The following STK11IP variants were observed in gnomAD, a reference collection of about 807,000 sequenced individuals.
STK11IP encodes serine/threonine kinase 11 interacting protein, also known as serine/threonine-protein kinase 11-interacting protein.
A neutral mutation model predicts 131.7 loss-of-function variants in STK11IP; 103 were observed. The observed-to-expected ratio is 0.78, with a 90% confidence interval of 0.67 to 0.92. STK11IP has a LOEUF of 0.92. Ranked by LOEUF, STK11IP falls within the 40% of genes least tolerant of loss-of-function variation. STK11IP has a pLI of 0.00. For synonymous variants in STK11IP, 557 were observed against 575.6 expected (o/e 0.97, Z 0.46); for missense variants, 1,315 against 1,385.7 (o/e 0.95, Z 0.81).
At chr2:219,600,573 C>CT (rs1697953654) in intron 2 of STK11IP, among the ~76,000 whole-genome samples, 1 of 152,170 alleles carries the variant, frequency 6.6e-6, no homozygotes, top group African/African-American at 2.4e-5. Context: ...TGTAGCTGCA[C>CT]TTTTTTAGGT....
chr2:219,614,905 A>G (rs1428401634), intron 23 of STK11IP, 189 bp from the exon 24 acceptor site: 16 of 690,564 alleles, frequency 2.3e-5, no homozygotes, highest in Non-Finnish European at 3.6e-5. Flanking sequence ...GGTAGGCCTC[A>G]GAGGTATTCC....
At chr2:219,601,737 T>C (rs1216477024) in intron 4 of STK11IP, 22 bp downstream of exon 4, 1 of 1,585,476 alleles carries the variant, frequency 6.3e-7, no homozygotes, top group Non-Finnish European at 8.6e-7. Context: ...CGGGGGGATG[T>C]TGGTGCACAG....
In STK11IP at chr2:219,616,233, G is replaced by C. The variant is rs763675618; in HGVS notation, c.*40G>C. Reference sequence around the variant, plus strand: ...CCTTGGCCCTGACCTCAGGAGCCACGCTGTAGACATTCCCTCTCCTGGTCT... The same window carrying C: ...CCTTGGCCCTGACCTCAGGAGCCACCCTGTAGACATTCCCTCTCCTGGTCT... On this transcript the variant is annotated 3_prime_UTR_variant, in exon 25 of 25. Transcript: ENST00000456909. The C allele has an allele frequency of 1.8e-5, 28 of 1,587,580 alleles. No homozygotes were observed. Among genetic ancestry groups the C allele is most frequent in the Non-Finnish European group, 1.9e-5 (22 of 1,165,570 alleles).
chr2:219,608,800 G>T lies in STK11IP; in HGVS notation c.1809+12G>T. On this transcript the variant is annotated intron_variant, in intron 15 of 24. Transcript: ENST00000456909. ...CGCCCAGGCCCACGGTGAGTGGGGC[G>T]TGGCAGGGTCTCTGGAGGAGCCAGT... 1.3e-6 allele frequency: 2 copies of T among 1,585,184 alleles called. No homozygotes were observed. Among genetic ancestry groups the T allele is most frequent in the Non-Finnish European group, 1.7e-6 (2 of 1,166,744 alleles).
chr2:219,605,678 CAGG>C lies in STK11IP; in HGVS notation c.690_692del (p.Gly231del), dbSNP rs771184089. On this transcript the variant is annotated inframe_deletion, in exon 8 of 25. Coordinates refer to ENST00000456909, the MANE Select transcript of STK11IP (RefSeq NM_052902.4). ...CATTTGGTGCCAAGAATGGGACCCT[CAGG>C]GGCTGCTCTGGGGGTCCTGATACTG... 1 of 1,569,508 alleles carries C rather than the reference CAGG, an allele frequency of 6.4e-7. No homozygotes were observed.
intron 19 of STK11IP, among the ~76,000 whole-genome samples, chr2:219,612,345 C>T (rs1053455361): frequency 6.6e-5 from 10 of 152,202 alleles, no homozygotes; most frequent in African/African-American, 2.4e-4. Flanking sequence ...ATGGGGCCTC[C>T]TAGCATTATT....
At chr2:219,602,603 C>T (rs770275122) in intron 6 of STK11IP, 28 bp downstream of exon 6, 8 of 1,612,024 alleles carry the variant, frequency 5.0e-6, no homozygotes, top group African/African-American at 1.3e-5. Flanking sequence ...AAGAGGGTTT[C>T]GAGGAAGGGC....
intron 20 of STK11IP, 86 bp from the exon 21 acceptor site, chr2:219,613,666 G>A: frequency 6.6e-7 from 1 of 1,515,870 alleles, no homozygotes; most frequent in Non-Finnish European, 9.1e-7. Flanking sequence ...TGCAGTGAGT[G>A]AGGCAGGTGC....
intron 4 of STK11IP, 110 bp downstream of exon 4, chr2:219,601,825 C>A: frequency 1.6e-6 from 2 of 1,283,286 alleles, no homozygotes; most frequent in Non-Finnish European, 2.2e-6. Flanking sequence ...TGAGTATACC[C>A]ATTGCTCTGC....
chr2:219,605,916 T>C, intron 8 of STK11IP, 40 bp from the exon 9 acceptor site: 1 of 1,538,252 alleles, frequency 6.5e-7, no homozygotes. Flanking sequence ...TTGCGTGTAC[T>C]CATCCACATG....
intron 7 of STK11IP, among the ~76,000 whole-genome samples, chr2:219,603,829 C>T (rs1698068259): frequency 1.3e-5 from 2 of 152,120 alleles, no homozygotes; most frequent in African/African-American, 4.8e-5. Flanking sequence ...CAAGTAAGGA[C>T]AGATTTTTTA....
In STK11IP at chr2:219,606,028, C is replaced by G; in HGVS notation, c.818C>G (p.Ser273Ter). 1 of 1,608,164 alleles carries G rather than the reference C, an allele frequency of 6.2e-7. No individual in the cohort carries two copies. Among genetic ancestry groups the G allele is most frequent in the Non-Finnish European group, 8.5e-7 (1 of 1,177,442 alleles). The change falls in exon 9 of 25, where the codon TCA (serine) becomes TGA (stop). Residue 273 changes from serine to a stop codon, truncating the protein, a stop_gained. Coordinates refer to ENST00000456909, the MANE Select transcript of STK11IP (RefSeq NM_052902.4). LOFTEE classifies it high-confidence loss of function. ...CTGCTGGAAGGACACCGGGAGCTGT[C>G]ACCACTGTGGCTGCTGGCTGAGCTC... ...YNLLEGHREL[S>*]PLWLLAELRK...
chr2:219,615,140 G>C lies in STK11IP; in HGVS notation c.2916G>C (p.Leu972=). ...CCCTGTTGCTGACTCCGTCCACCCTGTTCCTGTTAGATGAGGATGCTGCAG... is the reference window on the plus strand; with the variant it reads ...CCCTGTTGCTGACTCCGTCCACCCTCTTCCTGTTAGATGAGGATGCTGCAG... ...LVSLLLTPST[L]FLLDEDAAGS... The change falls in exon 24 of 25, where the codon CTG becomes CTC. Residue 972 remains leucine, a synonymous_variant. Transcript: ENST00000456909. 6.2e-7 allele frequency: 1 copy of C among 1,608,542 alleles called. No homozygotes were observed. The highest frequency in any genetic ancestry group is 8.5e-7 in the Non-Finnish European group (1 of 1,178,784).
intron 19 of STK11IP, 52 bp from the exon 20 acceptor site, chr2:219,613,076 C>T: frequency 6.7e-7 from 1 of 1,501,996 alleles, no homozygotes; most frequent in East Asian, 2.3e-5. Context: ...CAGTCTGGCC[C>T]CACCTCCCCA....
chr2:219,611,497 C>T lies in STK11IP; in HGVS notation c.2105-107C>T. ...CGGTGGTTGTGTATGAAGCTGGAGG[C>T]TTGGGCTCAGGGGAGACCTGAGCAT... is the stretch of plus-strand genomic sequence containing the variant. On this transcript the variant is annotated intron_variant, in intron 17 of 24. Coordinates refer to ENST00000456909, the MANE Select transcript of STK11IP (RefSeq NM_052902.4). 2.1e-6 allele frequency: 2 copies of T among 965,870 alleles called. 1 individual carries two copies. The highest frequency in any genetic ancestry group is 2.9e-5 in the South Asian group (2 of 69,212). 59.8% of individuals were successfully genotyped at this position (965,870 alleles called of 1,614,324 possible). A position where few individuals can be genotyped will look rare whatever the true frequency, so the allele number is the denominator to read the frequency against.
In STK11IP at chr2:219,605,936, C is replaced by T; in HGVS notation, c.746-20C>T. The T allele has an allele frequency of 6.3e-7, 1 of 1,579,382 alleles. No homozygotes were observed. The highest frequency in any genetic ancestry group is 8.6e-7 in the Non-Finnish European group (1 of 1,160,956). ...TGTACTCATCCACATGCTCTTCCTT[C>T]CTTCTTGCGTCCACCCCAGGCCTAG... On this transcript the variant is annotated intron_variant, in intron 8 of 24. Coordinates refer to ENST00000456909, the MANE Select transcript of STK11IP (RefSeq NM_052902.4).
At chr2:219,612,988 G>T (rs559070110) in intron 19 of STK11IP, 140 bp from the exon 20 acceptor site, 335 of 637,698 alleles carry the variant, frequency 5.3e-4, no homozygotes, top group Non-Finnish European at 8.3e-4. Flanking sequence ...GCTGTCGAGT[G>T]TGAGGGAAGC....
chr2:219,614,386 A>C (rs1171495217), intron 22 of STK11IP, 90 bp from the exon 23 acceptor site: 1 of 1,534,730 alleles, frequency 6.5e-7, no homozygotes, highest in African/African-American at 1.4e-5. Flanking sequence ...TCTCCTCCCA[A>C]CCCCCTGCAG....
At chr2:219,615,570 GCC>G in intron 24 of STK11IP, 1 of 671,122 alleles carries the variant, frequency 1.5e-6, no homozygotes, top group South Asian at 1.8e-5. Context: ...TGGGAGCCCA[GCC>G]ATTTAGCTGG....
Sources: allele counts gnomAD v4.1 joint callset (sites outside exome capture counted in the v4.1 genomes callset), GRCh38; gene constraint gnomAD v4.1.1; transcripts MANE v1.5; gene names NCBI Gene and HGNC (gene_info 2026-07-23, HGNC 2026-07-21).